TMEM259: variants seen among roughly 807,000 people sequenced by gnomAD.
TMEM259 encodes the protein transmembrane protein 259.
TMEM259 carries 26 observed loss-of-function variants against 46.7 expected under a neutral mutation model. The ratio of observed to expected loss-of-function variants is 0.56; its 90% CI spans 0.41 to 0.77. The LOEUF (loss-of-function observed/expected upper bound fraction) is 0.77. TMEM259 is among the 30% of genes least tolerant of loss of function. The probability of loss-of-function intolerance (pLI) is 0.00; values close to 1 mark genes in which losing one functional copy is unlikely to be tolerated. For synonymous variants in TMEM259, 494 were observed against 395.1 expected, an observed-to-expected ratio of 1.25 and a Z score of -2.97; for missense variants, 930 against 900.5, an observed-to-expected ratio of 1.03 and a Z score of -0.42.
At chr19:1,019,965 GCTGAGACCTCTGCCAT>G (rs1410360664) in intron 1 of TMEM259, among the ~76,000 whole-genome samples, 3 of 152,170 alleles carry the variant, frequency 2.0e-5, no homozygotes, top group Admixed American at 2.0e-4. Context: ...GTCCTGCACG[GCTGAGACCTCTGCCAT>G]CTGAGGAGGG....
chr19:1,013,090 C>T, intron 3 of TMEM259, 151 bp downstream of exon 3: 1 of 664,348 alleles, frequency 1.5e-6, no homozygotes, highest in Non-Finnish European at 2.6e-6. Context: ...CCTGTGCTGA[C>T]AGATGGGGAA....
chr19:1,016,214 G>A (rs1347329185), intron 1 of TMEM259, among the ~76,000 whole-genome samples: 1 of 152,240 alleles, frequency 6.6e-6, no homozygotes, highest in Non-Finnish European at 1.5e-5. Context: ...GCGGGGGGAG[G>A]GGGCAGGGCC....
At chr19:1,015,456 C>T (rs2039077198) in intron 1 of TMEM259, among the ~76,000 whole-genome samples, 1 of 152,198 alleles carries the variant, frequency 6.6e-6, no homozygotes, top group Admixed American at 6.5e-5. Context: ...AGTGGGGCCC[C>T]TCTAGGGGCA....
In TMEM259 at chr19:1,010,463, C is replaced by T. The variant is rs909721339; in HGVS notation, c.1750G>A (p.Val584Ile). The change falls in exon 11 of 11, where the codon GTC (valine) becomes ATC (isoleucine). Residue 584 changes from valine to isoleucine, a missense_variant. Val to Ile is a conservative substitution (Grantham distance 29). Coordinates refer to ENST00000356663, the MANE Select transcript of TMEM259 (RefSeq NM_001033026.2). ...GGLPHAPQDSVPPSDSAASDT... is the reference protein window; with the variant it reads ...GGLPHAPQDSIPPSDSAASDT... ...GAAGCTGCGGAGTCACTCGGGGGGA[C>T]ACTGTCCTGGGGGGCGTGGGGGAGG... 1.9e-6 allele frequency: 3 copies of T among 1,540,440 alleles called. No homozygotes were observed. Among genetic ancestry groups the T allele is most frequent in the Non-Finnish European group, 1.7e-6 (2 of 1,143,452 alleles).
Position 1,014,799 on chromosome 19 carries a change from G to T in TMEM259, c.226-326C>A, listed in dbSNP as rs78715949. ...GACTGCCCCGCACCTCCTCAGGGGT[G>T]AGCCGGACGAAGCCAGCAGGCCGGG... On this transcript the variant is annotated intron_variant, in intron 1 of 10. Coordinates refer to ENST00000356663, the MANE Select transcript of TMEM259 (RefSeq NM_001033026.2). Among the ~76,000 whole-genome samples, 122 of 152,338 alleles carry T rather than the reference G, an allele frequency of 8.0e-4. 1 individual carries two copies. Among genetic ancestry groups the T allele is most frequent in the African/African-American group, 2.7e-3 (114 of 41,566 alleles).
chr19:1,014,713 G>A (rs2240164), intron 1 of TMEM259, among the ~76,000 whole-genome samples: 26,341 of 152,204 alleles, frequency 0.17, 2,391 homozygotes, highest in Middle Eastern at 0.22. Context: ...CTCCAACCCC[G>A]GAGGGGCTCT....
At chr19:1,017,315 C>A (rs1229234592) in intron 1 of TMEM259, 1 of 399,650 alleles carries the variant, frequency 2.5e-6, no homozygotes, top group Non-Finnish European at 4.4e-6. Context: ...CCACCCTCTG[C>A]CCGCAACCTG....
At position 1,014,310 on chromosome 19, in the gene TMEM259, TCA is replaced by T; in HGVS notation, c.387_388del (p.Cys129Ter). On this transcript the variant is annotated stop_gained and frameshift_variant, in exon 2 of 11. Coordinates refer to ENST00000356663, the MANE Select transcript of TMEM259 (RefSeq NM_001033026.2). LOFTEE classifies it high-confidence loss of function. The stretch of plus-strand genomic sequence containing the variant: ...CGGGAAGCTCCCGCGGCCGCCGCTG[TCA>T]CAGAACTGTAGGAAGACGGGCGCGC... 1 of 1,613,122 alleles carries T rather than the reference TCA, an allele frequency of 6.2e-7. No individual in the cohort carries two copies. Among genetic ancestry groups the T allele is most frequent in the Non-Finnish European group, 8.5e-7 (1 of 1,179,916 alleles).
rs1484829858 is a variant in TMEM259 at position 1,011,347 on chromosome 19, T to C, written c.1217+20A>G. On this transcript the variant is annotated intron_variant, in intron 9 of 10. Coordinates refer to ENST00000356663, the MANE Select transcript of TMEM259 (RefSeq NM_001033026.2). ...CTGCCCACCAGCACCCACTCCACCC[T>C]GCCCCCGCGCCACGCTCACCGCAGC... 1 of 1,563,050 alleles carries C rather than the reference T, an allele frequency of 6.4e-7. No homozygotes were observed.
rs1478496456 is a variant in TMEM259 at position 1,021,071 on chromosome 19, G to A, written c.-75C>T. 2 of 1,264,274 alleles carry A rather than the reference G, an allele frequency of 1.6e-6. No homozygotes were observed. Among genetic ancestry groups the A allele is most frequent in the East Asian group, 7.2e-5 (2 of 27,818 alleles). 78.3% of individuals were successfully genotyped at this position (1,264,274 alleles called of 1,614,324 possible). A position where few individuals can be genotyped will look rare whatever the true frequency, so the allele number is the denominator to read the frequency against. On this transcript the variant is annotated 5_prime_UTR_variant, in exon 1 of 11. Coordinates refer to ENST00000356663, the MANE Select transcript of TMEM259 (RefSeq NM_001033026.2). ...CCGGCCGCCATCGGCCGCCCTCGCA[G>A]CCGCCGCTCTCCTCACGGCCTCCCG...
intron 1 of TMEM259, among the ~76,000 whole-genome samples, chr19:1,019,249 G>A (rs1568409299): frequency 6.6e-6 from 1 of 152,184 alleles, no homozygotes; most frequent in Non-Finnish European, 1.5e-5. Context: ...ACCTCCCAAG[G>A]AGGCTGAGCT....
Position 1,010,650 on chromosome 19 carries a change from G to A in TMEM259, c.1563C>T (p.Ser521=), listed in dbSNP as rs1229307422. The change falls in exon 11 of 11, where the codon AGC becomes AGT. Residue 521 remains serine (S), a synonymous_variant. Transcript: ENST00000356663. ...GSPGPVAAAP[S]SLVAAAASVA... ...CTGAGGCTGCCGCGGCCACCAGGGA[G>A]CTGGGCGCCGCTGCCACAGGCCCGG... 6.5e-7 allele frequency: 1 copy of A among 1,538,606 alleles called. No homozygotes were observed. The highest frequency in any genetic ancestry group is 8.7e-7 in the Non-Finnish European group (1 of 1,146,976).
chr19:1,011,189 G>A lies in TMEM259; in HGVS notation c.1224C>T (p.Phe408=), dbSNP rs745557754. Residue 408 remains phenylalanine, a synonymous_variant, in exon 10 of 11, where the codon TTC becomes TTT. Transcript: ENST00000356663. ...STSKRHWLRF[F]YLYHFAFYAY... ...CATAGAAGGCGAAGTGGTAGAGATA[G>A]AAGAACCTGCGGGGCGGGGTGAGGG... 7 of 1,596,028 alleles carry A rather than the reference G, an allele frequency of 4.4e-6. No individual in the cohort carries two copies. The highest frequency in any genetic ancestry group is 1.6e-4 in the Middle Eastern group (1 of 6,080).
intron 1 of TMEM259, among the ~76,000 whole-genome samples, chr19:1,019,504 G>A (rs1363789457): frequency 1.3e-5 from 2 of 152,210 alleles, no homozygotes; most frequent in African/African-American, 4.8e-5. Context: ...GGGGCTGCAG[G>A]GAGGAAGGTG....
At position 1,013,360 on chromosome 19, in the gene TMEM259, TG is replaced by T. The variant is rs756983621; in HGVS notation, c.508-21del. On this transcript the variant is annotated intron_variant, in intron 2 of 10. Coordinates refer to ENST00000356663, the MANE Select transcript of TMEM259 (RefSeq NM_001033026.2). ...CTCAAACTGTGGGCGACCAGGGACCTGGGTGTCAGCAGCGCCAGCCCGGGCT... is the reference window on the plus strand; with the variant it reads ...CTCAAACTGTGGGCGACCAGGGACCTGGTGTCAGCAGCGCCAGCCCGGGCT... The T allele has an allele frequency of 6.2e-7, 1 of 1,612,548 alleles. No individual in the cohort carries two copies. Among genetic ancestry groups the T allele is most frequent in the South Asian group, 1.1e-5 (1 of 91,076 alleles).
chr19:1,010,422 C>T lies in TMEM259; in HGVS notation c.1791G>A (p.Leu597=). The stretch of plus-strand genomic sequence containing the variant: ...GGCTAGGCCCGCCTACCGCAGCCCC[C>T]AGGGGAGTTGTGTCAGAAGCTGCGG... ...SDSAASDTTP[L]GAAVGGPSPA... is the part of the protein sequence containing the mutation. The change falls in exon 11 of 11, where the codon CTG becomes CTA. Residue 597 remains leucine (L), a synonymous_variant. Coordinates refer to ENST00000356663, the MANE Select transcript of TMEM259 (RefSeq NM_001033026.2). 1 of 1,531,878 alleles carries T rather than the reference C, an allele frequency of 6.5e-7. No individual in the cohort carries two copies. The highest frequency in any genetic ancestry group is 1.4e-5 in the African/African-American group (1 of 71,404). 94.9% of individuals were successfully genotyped at this position (1,531,878 alleles called of 1,614,324 possible).
rs2038853418 is a variant in TMEM259 at position 1,010,189 on chromosome 19, G to A, written c.*161C>T. 1 of 652,494 alleles carries A rather than the reference G, an allele frequency of 1.5e-6. No individual in the cohort carries two copies. Among genetic ancestry groups the A allele is most frequent in the African/African-American group, 1.9e-5 (1 of 51,676 alleles). 40.4% of individuals were successfully genotyped at this position (652,494 alleles called of 1,614,324 possible). On this transcript the variant is annotated 3_prime_UTR_variant, in exon 11 of 11. Coordinates refer to ENST00000356663, the MANE Select transcript of TMEM259 (RefSeq NM_001033026.2). ...CCTCGGGCGCGACCTCACACCAGGG[G>A]GAGGAAAGCCGCCTTCCGGGCAAAC...
intron 1 of TMEM259, among the ~76,000 whole-genome samples, chr19:1,015,308 C>T (rs1048631027): frequency 6.6e-6 from 1 of 152,182 alleles, no homozygotes; most frequent in East Asian, 1.9e-4. Flanking sequence ...GTGGTTGTCA[C>T]AATTGGGGGA....
intron 4 of TMEM259, 107 bp downstream of exon 4, chr19:1,012,356 C>T (rs1344739084): frequency 6.7e-7 from 1 of 1,502,516 alleles, no homozygotes; most frequent in African/African-American, 1.4e-5. Context: ...CGGGGCAGAC[C>T]CCAGTGCTTC....
Sources: allele counts gnomAD v4.1 joint callset (sites outside exome capture counted in the v4.1 genomes callset), GRCh38; gene constraint gnomAD v4.1.1; transcripts MANE v1.5; gene names NCBI Gene and HGNC (gene_info 2026-07-23, HGNC 2026-07-21).